Variants in SRFBP1 observed in about 807,000 individuals in gnomAD.
The protein encoded by SRFBP1 is serum response factor binding protein 1.
SRFBP1 carries 47 observed loss-of-function variants against 45.5 expected under a neutral mutation model. The observed-to-expected ratio is 1.03, with a 90% CI of 0.82 to 1.32. SRFBP1 has a LOEUF of 1.32. Among genes scored for constraint, SRFBP1 ranks in the 40% most tolerant of loss-of-function variants. The pLI, the probability that SRFBP1 is intolerant of heterozygous loss-of-function variation, is 0.00. For synonymous variants in SRFBP1, 203 were observed against 166.3 expected (o/e 1.22, Z -1.70); for missense variants, 621 against 484.6 (o/e 1.28, Z -2.64).
At chr5:121,973,958 T>A (rs1484141291) in intron 1 of SRFBP1, among the ~76,000 whole-genome samples, 3 of 151,866 alleles carry the variant, frequency 2.0e-5, no homozygotes, top group African/African-American at 7.2e-5. Context: ...CGGGTAATAC[T>A]GTGACTTTTT....
intron 2 of SRFBP1, among the ~76,000 whole-genome samples, chr5:122,046,358 C>T (rs1477593469): frequency 6.6e-6 from 1 of 152,044 alleles, no homozygotes; most frequent in Non-Finnish European, 1.5e-5. Context: ...CATCCATGTC[C>T]CTACAAAGGA....
At chr5:122,073,096 A>T (rs1410112295) in intron 2 of SRFBP1, among the ~76,000 whole-genome samples, 1 of 152,196 alleles carries the variant, frequency 6.6e-6, no homozygotes, top group African/African-American at 2.4e-5. Flanking sequence ...GTCACCAAAC[A>T]GCTTCCTGCC....
chr5:122,035,424 A>G (rs957612109), intron 2 of SRFBP1, among the ~76,000 whole-genome samples: 13 of 152,174 alleles, frequency 8.5e-5, no homozygotes, highest in African/African-American at 3.1e-4. Context: ...AAAAACTTTA[A>G]TCAAATACTT....
intron 2 of SRFBP1, among the ~76,000 whole-genome samples, chr5:122,049,824 C>T (rs55836275): frequency 0.12 from 17,562 of 152,108 alleles, 1,103 homozygotes; most frequent in Non-Finnish European, 0.14. Flanking sequence ...TCTTTGAAAC[C>T]AATGAGAACA....
chr5:122,071,405 T>C (rs1237275672), intron 2 of SRFBP1, among the ~76,000 whole-genome samples: 1 of 152,106 alleles, frequency 6.6e-6, no homozygotes, highest in African/African-American at 2.4e-5. Context: ...CACTATACTC[T>C]CTCTCATACA....
At chr5:121,983,870 TCTC>T (rs1450313018) in intron 3 of SRFBP1, among the ~76,000 whole-genome samples, 2 of 151,860 alleles carry the variant, frequency 1.3e-5, no homozygotes, top group East Asian at 1.9e-4. Flanking sequence ...ATTTTATTGT[TCTC>T]CTGTTCAAGA....
At chr5:122,024,701 A>G (rs983330709) in intron 7 of SRFBP1, among the ~76,000 whole-genome samples, 21 of 152,222 alleles carry the variant, frequency 1.4e-4, no homozygotes, top group Non-Finnish European at 1.6e-4. Flanking sequence ...TGGCAGAAAC[A>G]TGTCAGTATG....
intron 4 of SRFBP1, among the ~76,000 whole-genome samples, chr5:121,997,626 C>T (rs1752759243): frequency 6.6e-6 from 1 of 151,656 alleles, no homozygotes; most frequent in South Asian, 2.1e-4. Context: ...ATATCCAAAA[C>T]ACCAAAAGCA....
intron 2 of SRFBP1, chr5:122,064,443 T>C (rs1393628810): frequency 1.3e-5 from 2 of 151,116 alleles, no homozygotes; most frequent in East Asian, 3.9e-4. Flanking sequence ...AGCTTCCTAA[T>C]TGAAAAAAAA....
intron 3 of SRFBP1, among the ~76,000 whole-genome samples, chr5:121,981,025 A>G (rs968995025): frequency 3.3e-5 from 5 of 152,060 alleles, no homozygotes; most frequent in African/African-American, 1.2e-4. Context: ...ATAGCTTTCC[A>G]TCTTCTTTCC....
intron 5 of SRFBP1, 93 bp downstream of exon 5, chr5:122,019,434 TATAAA>T: frequency 6.1e-6 from 6 of 983,952 alleles, no homozygotes; most frequent in Non-Finnish European, 9.0e-6. Flanking sequence ...GAGGTTCTAT[TATAAA>T]TATAAGTTTC....
At chr5:122,077,286 C>A, downstream of SRFBP1, 1 of 1,597,438 alleles carries the variant, frequency 6.3e-7, no homozygotes, top group East Asian at 2.3e-5. The surrounding 1 kb of genome is among the most constrained non-coding windows in gnomAD (Gnocchi z 4.9). Context: ...GCCCAGGCAG[C>A]CACGTCGAGA....
intron 2 of SRFBP1, among the ~76,000 whole-genome samples, chr5:122,034,661 C>T (rs1753660883): frequency 3.3e-5 from 5 of 151,814 alleles, no homozygotes; most frequent in Admixed American, 3.3e-4. Context: ...ATACCCTGTT[C>T]TCACCTTAAT....
At chr5:122,029,119 T>C (rs1753551413), downstream of SRFBP1, among the ~76,000 whole-genome samples, 2 of 152,082 alleles carry the variant, frequency 1.3e-5, no homozygotes, top group Admixed American at 1.3e-4. Flanking sequence ...ATATTTTGCA[T>C]AGTCAAGGGT....
Position 121,974,250 on chromosome 5 carries a change from C to T in SRFBP1, c.91C>T (p.Leu31Phe), listed in dbSNP as rs199498382. The T allele has an allele frequency of 1.1e-3, 1,719 of 1,611,434 alleles. 13 individuals carry two copies. In the South Asian group the frequency reaches 0.011, roughly 10 times the overall value. Reference protein sequence around the residue: ...KRIRVLVIRKLVRSVGRLKSK... With the variant: ...KRIRVLVIRKFVRSVGRLKSK... ...AATTCGAGTTTTAGTTATCCGAAAACTTGTCAGGAGTGTTGGCCGACTGAA... is the reference window on the plus strand; with the variant it reads ...AATTCGAGTTTTAGTTATCCGAAAATTTGTCAGGAGTGTTGGCCGACTGAA... Residue 31 changes from leucine (L) to phenylalanine (F), a missense_variant, in exon 2 of 8, where the codon CTT becomes TTT. Physicochemically the swap from Leu to Phe is conservative, Grantham distance 22. Coordinates refer to ENST00000339397, the MANE Select transcript of SRFBP1 (RefSeq NM_152546.3).
chr5:122,041,579 G>T (rs1753773836), intron 2 of SRFBP1, among the ~76,000 whole-genome samples: 1 of 151,666 alleles, frequency 6.6e-6, no homozygotes, highest in Admixed American at 6.6e-5. Context: ...TTTTATTCAT[G>T]TTATAAATGT....
intron 4 of SRFBP1, among the ~76,000 whole-genome samples, chr5:122,007,835 A>T (rs1753009850): frequency 6.6e-6 from 1 of 152,028 alleles, no homozygotes; most frequent in South Asian, 2.1e-4. Context: ...AAGGGTGCCA[A>T]CCTGGTCATG....
intron 3 of SRFBP1, among the ~76,000 whole-genome samples, chr5:121,981,714 G>C (rs147941821): frequency 8.6e-4 from 130 of 151,838 alleles, no homozygotes; most frequent in African/African-American, 3.0e-3. Flanking sequence ...CTTGCTCTAG[G>C]AAACTTTCCC....
At chr5:122,073,916 G>A in intron 2 of SRFBP1, 1 of 1,109,208 alleles carries the variant, frequency 9.0e-7, no homozygotes, top group South Asian at 1.4e-5. Context: ...ATAAAAATGT[G>A]TGTGCTCTTC....
Sources: gnomAD v4.1 joint callset for allele counts (sites outside exome capture counted in the v4.1 genomes callset) on GRCh38, gnomAD v4.1.1 for gene constraint, Gnocchi (gnomAD v3.1) non-coding constraint, MANE v1.5 for transcripts, NCBI Gene and HGNC (gene_info 2026-07-23, HGNC 2026-07-21) for gene names.